NAPEPLD: variants seen among roughly 807,000 people sequenced by gnomAD.
NAPEPLD encodes the protein N-acyl-phosphatidylethanolamine-hydrolyzing phospholipase D.
NAPEPLD carries 23 observed loss-of-function variants against 38.1 expected under a neutral mutation model. The observed-to-expected ratio is 0.60, with a 90% confidence interval of 0.43 to 0.86. NAPEPLD has a LOEUF of 0.86. Ranked by LOEUF, NAPEPLD falls within the 40% of genes least tolerant of loss-of-function variation. NAPEPLD has a pLI of 0.00. For synonymous variants in NAPEPLD, 147 were observed against 162.0 expected, an observed-to-expected ratio of 0.91 and a Z score of 0.71; for missense variants, 411 against 476.8, an observed-to-expected ratio of 0.86 and a Z score of 1.28.
At chr7:103,103,946 G>GGT (rs55770228) in intron 4 of NAPEPLD, among the ~76,000 whole-genome samples, 6,396 of 151,476 alleles carry the variant, frequency 0.042, 165 homozygotes, top group Non-Finnish European at 0.066. Flanking sequence ...ATCAAATTGT[G>GGT]GTGTGTGTGT....
At position 103,141,531 on chromosome 7, in the gene NAPEPLD, T is replaced by C. The variant is rs949325617; in HGVS notation, c.-17+7280A>G. 20 of 1,418,976 alleles carry C rather than the reference T, an allele frequency of 1.4e-5. No individual in the cohort carries two copies. The Admixed American group carries it at 3.0e-4, about 21-fold the overall frequency. The allele number at this position is 1,418,976 out of a possible 1,614,324, so 87.9% of individuals were successfully genotyped here. A position where few individuals can be genotyped will look rare whatever the true frequency, so the allele number is the denominator to read the frequency against. Reference sequence around the variant, plus strand: ...AGCTTGTGGATGTGTTCCATGAGAATCTGCTTGTTTTTTAACACATTCCTC... The same window carrying C: ...AGCTTGTGGATGTGTTCCATGAGAACCTGCTTGTTTTTTAACACATTCCTC... On this transcript the variant is annotated intron_variant, in intron 1 of 4. Transcript: ENST00000465647.
At chr7:103,145,972 AACAC>A (rs144906536) in intron 1 of NAPEPLD, among the ~76,000 whole-genome samples, 1 of 151,218 alleles carries the variant, frequency 6.6e-6, no homozygotes, top group Non-Finnish European at 1.5e-5. Flanking sequence ...CATTCTGGAA[AACAC>A]ACACACACAC....
upstream of NAPEPLD, chr7:103,149,515 A>G (rs1294125919): frequency 1.6e-6 from 2 of 1,259,552 alleles, no homozygotes; most frequent in Admixed American, 4.9e-5. Flanking sequence ...TCACTCCCTT[A>G]TTATGACCTT....
At chr7:103,103,636 TAACC>T in intron 4 of NAPEPLD, 82 bp from the exon 5 acceptor site, 1 of 1,416,484 alleles carries the variant, frequency 7.1e-7, no homozygotes, top group Non-Finnish European at 9.5e-7. Flanking sequence ...CAAACTAAAA[TAACC>T]AACAGATGCC....
rs1170235381 is a variant in NAPEPLD, at chr7:103,103,494, C to G, written c.1117G>C (p.Glu373Gln). The G allele has an allele frequency of 1.9e-6, 3 of 1,599,018 alleles. No homozygotes were observed. Among genetic ancestry groups the G allele is most frequent in the East Asian group, 4.5e-5 (2 of 44,098 alleles). ...EALERYGLNA[E>Q]DFFVLKHGES... The stretch of plus-strand genomic sequence containing the variant: ...CCATGCTTCAAGACAAAAAAATCTT[C>G]AGCGTTAAGTCCGTATCTCTCTAGA... The change falls in exon 5 of 5, where the codon GAA (glutamate) becomes CAA (glutamine). Residue 373 changes from glutamate to glutamine, a missense_variant. Physicochemically the swap from Glu to Gln is conservative, Grantham distance 29. Coordinates refer to ENST00000465647, the MANE Select transcript of NAPEPLD (RefSeq NM_001122838.3).
intron 2 of NAPEPLD, 140 bp from the exon 3 acceptor site, chr7:103,120,363 T>C: frequency 2.2e-6 from 2 of 894,544 alleles, no homozygotes; most frequent in Non-Finnish European, 3.2e-6. Flanking sequence ...TTGCTACACT[T>C]TTGCTTTTTT....
intron 4 of NAPEPLD, among the ~76,000 whole-genome samples, chr7:103,111,992 CAT>C (rs1245065148): frequency 2.0e-5 from 3 of 151,396 alleles, no homozygotes; most frequent in Admixed American, 2.0e-4. Context: ...AGCCAACAAA[CAT>C]ATGAAAAAAA....
upstream of NAPEPLD, chr7:103,149,657 C>G (rs185412366): frequency 3.3e-6 from 1 of 301,950 alleles, no homozygotes; most frequent in African/African-American, 2.3e-5. Context: ...ACGCGGCCTG[C>G]CCCGGCCCGC....
intron 1 of NAPEPLD, among the ~76,000 whole-genome samples, chr7:103,143,380 GA>G (rs200836323): frequency 3.0e-4 from 44 of 144,974 alleles, no homozygotes; most frequent in East Asian, 1.4e-3. Context: ...CATGTATTTA[GA>G]AAAAAAAAAA....
chr7:103,145,698 C>A (rs1812394984), intron 1 of NAPEPLD, among the ~76,000 whole-genome samples: 1 of 152,118 alleles, frequency 6.6e-6, no homozygotes, highest in African/African-American at 2.4e-5. Flanking sequence ...CAAGTCAGGC[C>A]AGAGAGTTAC....
At chr7:103,109,717 G>A (rs1359401191) in intron 4 of NAPEPLD, among the ~76,000 whole-genome samples, 2 of 151,970 alleles carry the variant, frequency 1.3e-5, no homozygotes, top group African/African-American at 4.8e-5. Flanking sequence ...ACTCAAAAGC[G>A]AGCAGAAGAC....
chr7:103,146,579 A>C (rs1812604962), intron 1 of NAPEPLD, among the ~76,000 whole-genome samples: 1 of 152,220 alleles, frequency 6.6e-6, no homozygotes, highest in African/African-American at 2.4e-5. Context: ...GGTAGCAGGC[A>C]CAAACTGAGT....
chr7:103,111,519 C>G (rs1019544778), intron 4 of NAPEPLD, among the ~76,000 whole-genome samples: 1 of 152,178 alleles, frequency 6.6e-6, no homozygotes, highest in Non-Finnish European at 1.5e-5. Flanking sequence ...AAAGGATTCC[C>G]TATTTAATAA....
In NAPEPLD at chr7:103,101,182, G is replaced by A. The variant is rs1302842460; in HGVS notation, c.*2247C>T. 1 of 152,156 alleles carries A rather than the reference G, an allele frequency of 6.6e-6. No individual in the cohort carries two copies. The highest frequency in any genetic ancestry group is 1.5e-5 in the Non-Finnish European group (1 of 68,030). The allele number at this position is 152,156 out of a possible 1,614,324, so 9.4% of individuals were successfully genotyped here. A position where few individuals can be genotyped will look rare whatever the true frequency, so the allele number is the denominator to read the frequency against. ...TAGTATTAGGGCAACACACCTCAAAGCTAACTCACCATAAACCTAACATCT... is the reference window on the plus strand; with the variant it reads ...TAGTATTAGGGCAACACACCTCAAAACTAACTCACCATAAACCTAACATCT... On this transcript the variant is annotated 3_prime_UTR_variant, in exon 5 of 5. Transcript: ENST00000465647.
At chr7:103,137,815 C>CAAAAAAAAAAAA (rs79429621) in intron 1 of NAPEPLD, among the ~76,000 whole-genome samples, 5 of 107,524 alleles carry the variant, frequency 4.7e-5, no homozygotes, top group African/African-American at 1.8e-4. Flanking sequence ...GATGCTGTCT[C>CAAAAAAAAAAAA]AAAAAAAAAA....
chr7:103,114,656 T>A (rs1322427422), intron 4 of NAPEPLD, among the ~76,000 whole-genome samples: 1 of 152,202 alleles, frequency 6.6e-6, no homozygotes, highest in Non-Finnish European at 1.5e-5. Context: ...GACCATCTCA[T>A]CTGTTCCACA....
At chr7:103,131,727 A>T (rs917647548) in intron 1 of NAPEPLD, among the ~76,000 whole-genome samples, 1 of 152,042 alleles carries the variant, frequency 6.6e-6, no homozygotes, top group Non-Finnish European at 1.5e-5. Context: ...AAGACTGGAC[A>T]GTAAAGATGG....
At chr7:103,140,654 A>G (rs1200149287) in intron 1 of NAPEPLD, among the ~76,000 whole-genome samples, 1 of 151,920 alleles carries the variant, frequency 6.6e-6, no homozygotes, top group East Asian at 1.9e-4. Flanking sequence ...TGGCCTCCCA[A>G]AGTGCAGAAC....
intron 4 of NAPEPLD, among the ~76,000 whole-genome samples, chr7:103,110,231 C>A (rs1804236754): frequency 1.3e-5 from 2 of 152,166 alleles, no homozygotes; most frequent in South Asian, 4.1e-4. Flanking sequence ...AGGCCACCAT[C>A]ATCCTGATAC....
Sources: allele counts gnomAD v4.1 joint callset (sites outside exome capture counted in the v4.1 genomes callset), GRCh38; gene constraint gnomAD v4.1.1; transcripts MANE v1.5; gene names NCBI Gene and HGNC (gene_info 2026-07-23, HGNC 2026-07-21).